The following LCLAT1 variants were observed in gnomAD, a reference collection of about 807,000 sequenced individuals.
LCLAT1 encodes the protein lysocardiolipin acyltransferase 1.
LCLAT1 carries 11 observed loss-of-function variants against 30.7 expected under a neutral mutation model. That is an observed-to-expected ratio of 0.36 (90% CI 0.23 to 0.59). The LOEUF (loss-of-function observed/expected upper bound fraction) is 0.59, where lower values mean the gene tolerates loss of function less well. Among genes scored for constraint, LCLAT1 ranks in the 20% least tolerant of loss-of-function variants. LCLAT1 has a pLI of 0.77. For missense variants in LCLAT1, 402 were observed against 458.6 expected (o/e 0.88, Z 1.13); for synonymous variants, 155 against 151.3 (o/e 1.02, Z -0.18).
intron 3 of LCLAT1, among the ~76,000 whole-genome samples, chr2:30,550,049 G>A (rs1664611428): frequency 1.3e-5 from 2 of 152,272 alleles, no homozygotes; most frequent in South Asian, 4.1e-4. Context: ...ATATGGTATA[G>A]TAAGCGAATT....
chr2:30,581,800 C>T (rs1666224048), intron 5 of LCLAT1, among the ~76,000 whole-genome samples: 1 of 152,104 alleles, frequency 6.6e-6, no homozygotes, highest in South Asian at 2.1e-4. Context: ...GATACAACAG[C>T]ACAGCTAGAT....
chr2:30,452,067 T>G (rs1354058734), intron 1 of LCLAT1, among the ~76,000 whole-genome samples: 1 of 152,196 alleles, frequency 6.6e-6, no homozygotes, highest in African/African-American at 2.4e-5. Flanking sequence ...GTGATTACTC[T>G]GGGTTGGTGG....
At chr2:30,449,351 G>C (rs538479029) in intron 1 of LCLAT1, among the ~76,000 whole-genome samples, 84 of 152,280 alleles carry the variant, frequency 5.5e-4, no homozygotes, top group Admixed American at 1.2e-3. Flanking sequence ...TTGTGATCTT[G>C]TGTAAATAAT....
chr2:30,474,913 A>G (rs991020382), intron 1 of LCLAT1, among the ~76,000 whole-genome samples: 4 of 151,426 alleles, frequency 2.6e-5, no homozygotes, highest in Non-Finnish European at 4.4e-5. Flanking sequence ...TGGTCTCTCA[A>G]AGTGCTGGGA....
chr2:30,474,180 G>T (rs1191944396), intron 1 of LCLAT1, among the ~76,000 whole-genome samples: 1 of 152,188 alleles, frequency 6.6e-6, no homozygotes, highest in East Asian at 1.9e-4. Context: ...GACCCAAGTG[G>T]AGACAAACTG....
At chr2:30,577,663 A>G (rs1486557933) in intron 5 of LCLAT1, among the ~76,000 whole-genome samples, 1 of 152,108 alleles carries the variant, frequency 6.6e-6, no homozygotes, top group African/African-American at 2.4e-5. Context: ...TGATAGTCTG[A>G]TTTGATTATA....
At chr2:30,468,877 A>C (rs1682617736) in intron 1 of LCLAT1, among the ~76,000 whole-genome samples, 1 of 152,200 alleles carries the variant, frequency 6.6e-6, no homozygotes, top group South Asian at 2.1e-4. Flanking sequence ...CCAGCAATAT[A>C]TGAGGGTTGC....
intron 5 of LCLAT1, among the ~76,000 whole-genome samples, chr2:30,616,929 G>T (rs966750478): frequency 6.6e-6 from 1 of 151,818 alleles, no homozygotes; most frequent in African/African-American, 2.4e-5. Context: ...AAGAATCCAC[G>T]CAGCCTTTTA....
intron 1 of LCLAT1, among the ~76,000 whole-genome samples, chr2:30,490,604 T>G (rs1416080598): frequency 1.3e-5 from 2 of 152,236 alleles, no homozygotes; most frequent in Non-Finnish European, 2.9e-5. Flanking sequence ...TTCTCTGGGT[T>G]TCTTCATCTG....
At chr2:30,565,262 C>T (rs1041999998) in intron 4 of LCLAT1, among the ~76,000 whole-genome samples, 2 of 151,874 alleles carry the variant, frequency 1.3e-5, no homozygotes, top group African/African-American at 4.8e-5. Flanking sequence ...GGGAAGTAGT[C>T]GAAGTTCAAG....
At chr2:30,500,427 A>G (rs1158958581) in intron 1 of LCLAT1, among the ~76,000 whole-genome samples, 1 of 152,212 alleles carries the variant, frequency 6.6e-6, no homozygotes, top group Non-Finnish European at 1.5e-5. Context: ...AATGAAAATT[A>G]CACAATATAG....
chr2:30,518,914 G>C (rs1685331568), intron 1 of LCLAT1, among the ~76,000 whole-genome samples: 2 of 152,144 alleles, frequency 1.3e-5, no homozygotes, highest in South Asian at 4.1e-4. Context: ...TCTCATACTT[G>C]GACACTCTTG....
chr2:30,611,983 A>G (rs985998248), intron 5 of LCLAT1, among the ~76,000 whole-genome samples: 5 of 152,028 alleles, frequency 3.3e-5, no homozygotes, highest in African/African-American at 1.2e-4. Context: ...TGGGACTCCC[A>G]TGTGTCCTGT....
intron 1 of LCLAT1, among the ~76,000 whole-genome samples, chr2:30,524,319 A>G (rs1204201772): frequency 1.3e-5 from 2 of 152,190 alleles, no homozygotes; most frequent in African/African-American, 2.4e-5. Context: ...AGAGTCAATT[A>G]AAGACCAAGT....
At position 30,629,398 on chromosome 2, in the gene LCLAT1, A is replaced by G. The variant is rs186860905; in HGVS notation, c.629-10719A>G. ...AACGTGGCGAAACCCTGTCTCTACT[A>G]AAAATACAAAAATTAGCCGGGCATG... On this transcript the variant is annotated intron_variant, in intron 5 of 5. Transcript: ENST00000379509. 1.2e-4 allele frequency among the ~76,000 whole-genome samples: 18 copies of G among 152,220 alleles called. No homozygotes were observed. In the East Asian group the frequency reaches 2.7e-3, roughly 23 times the overall value.
intron 5 of LCLAT1, among the ~76,000 whole-genome samples, chr2:30,638,741 A>G (rs541202608): frequency 1.3e-5 from 2 of 151,448 alleles, no homozygotes; most frequent in East Asian, 3.9e-4. Context: ...CCCTGAGCCA[A>G]AAACAAACCT....
rs1396952011 is a variant in LCLAT1, at chr2:30,643,816, G to C, written c.*3197G>C. The C allele has an allele frequency of 1.3e-5, 2 of 152,592 alleles. No homozygotes were observed. Among genetic ancestry groups the C allele is most frequent in the South Asian group, 2.1e-4 (1 of 4,832 alleles). 9.5% of individuals were successfully genotyped at this position (152,592 alleles called of 1,614,324 possible). A position where few individuals can be genotyped will look rare whatever the true frequency, so the allele number is the denominator to read the frequency against. On this transcript the variant is annotated 3_prime_UTR_variant, in exon 6 of 6. Transcript: ENST00000379509. The stretch of plus-strand genomic sequence containing the variant: ...TTCCAAGGATTCTGTAGTATGTAGT[G>C]TGTTTCTTAGGTAAAGTCTCTTTTT...
At chr2:30,493,216 T>G (rs763650841) in intron 1 of LCLAT1, among the ~76,000 whole-genome samples, 7 of 152,228 alleles carry the variant, frequency 4.6e-5, no homozygotes, top group Non-Finnish European at 1.0e-4. Flanking sequence ...GACTTTCTTA[T>G]TATTTAATGT....
chr2:30,586,104 C>A (rs146118361), intron 5 of LCLAT1, among the ~76,000 whole-genome samples: 3 of 151,888 alleles, frequency 2.0e-5, no homozygotes, highest in Non-Finnish European at 4.4e-5. Context: ...ATTAGCCAGA[C>A]GTGATGGTGG....
Sources: allele counts gnomAD v4.1 joint callset (sites outside exome capture counted in the v4.1 genomes callset), GRCh38; gene constraint gnomAD v4.1.1; transcripts MANE v1.5; gene names NCBI Gene and HGNC (gene_info 2026-07-23, HGNC 2026-07-21).